Variants in C8orf76 observed in about 807,000 individuals in gnomAD.
C8orf76 encodes chromosome 8 open reading frame 76.
C8orf76 carries 46 observed loss-of-function variants against 38.1 expected under a neutral mutation model. The observed-to-expected ratio is 1.21, with a 90% confidence interval of 0.95 to 1.54. C8orf76 has a LOEUF of 1.54. Among genes scored for constraint, C8orf76 ranks in the 40% most tolerant of loss-of-function variants. C8orf76 has a pLI of 0.00. For synonymous variants in C8orf76, 166 were observed against 167.5 expected (o/e 0.99, Z 0.07); for missense variants, 461 against 441.6 (o/e 1.04, Z -0.39).
intron 3 of C8orf76, among the ~76,000 whole-genome samples, chr8:123,235,870 AG>A (rs1432439010): frequency 6.6e-6 from 1 of 152,212 alleles, no homozygotes; most frequent in African/African-American, 2.4e-5. Context: ...AGAAACGCCG[AG>A]CGAGCAGGAC....
intron 4 of C8orf76, among the ~76,000 whole-genome samples, chr8:123,229,142 T>A (rs1029737065): frequency 6.6e-6 from 1 of 152,250 alleles, no homozygotes; most frequent in Non-Finnish European, 1.5e-5. Context: ...CTAGAACGGA[T>A]CCTCTGCCCC....
Position 123,231,336 on chromosome 8 carries a change from GTCTC to G in C8orf76, c.775_778del (p.Glu259LeufsTer3), listed in dbSNP as rs774169274. ...AAAAGAGGCACATGCTTTCAGCTGA[GTCTC>G]TATCAACACTGTTTCTCTCTTTTCT... On this transcript the variant is annotated frameshift_variant, in exon 4 of 6. Coordinates refer to ENST00000276704, the MANE Select transcript of C8orf76 (RefSeq NM_032847.3). LOFTEE classifies it high-confidence loss of function. 2 of 1,612,942 alleles carry G rather than the reference GTCTC, an allele frequency of 1.2e-6. No individual in the cohort carries two copies. Among genetic ancestry groups the G allele is most frequent in the Middle Eastern group, 1.7e-4 (1 of 6,058 alleles).
At position 123,226,546 on chromosome 8, in the gene C8orf76, A is replaced by AT. The variant is rs769557098; in HGVS notation, c.901dup (p.Met301AsnfsTer16). 1 of 1,613,714 alleles carries AT rather than the reference A, an allele frequency of 6.2e-7. No homozygotes were observed. The highest frequency in any genetic ancestry group is 8.5e-7 in the Non-Finnish European group (1 of 1,179,924). ...GTCTTCTTTGAAGCTGAACCCTTTC[A>AT]TTTTATCTTCAATTTCCTGCTGAGT... On this transcript the variant is annotated frameshift_variant, in exon 5 of 6. Transcript: ENST00000276704. LOFTEE classifies it low-confidence loss of function (END_TRUNC).
intron 1 of C8orf76, 87 bp from the exon 2 acceptor site, chr8:123,239,231 T>G: frequency 7.1e-7 from 1 of 1,416,148 alleles, no homozygotes; most frequent in Non-Finnish European, 9.8e-7. Context: ...TATAATTGAT[T>G]AAACGTCAAA....
intron 5 of C8orf76, among the ~76,000 whole-genome samples, chr8:123,224,742 T>G (rs1824983845): frequency 6.6e-6 from 1 of 152,252 alleles, no homozygotes; most frequent in African/African-American, 2.4e-5. Context: ...AGGAAACTAC[T>G]CTTCCACCCA....
chr8:123,228,493 C>T (rs1825127173), intron 4 of C8orf76, among the ~76,000 whole-genome samples: 1 of 152,130 alleles, frequency 6.6e-6, no homozygotes, highest in Non-Finnish European at 1.5e-5. Flanking sequence ...GTGGTGCATG[C>T]CTGTAATCCC....
At chr8:123,234,757 A>C (rs560574384) in intron 3 of C8orf76, among the ~76,000 whole-genome samples, 164 of 152,006 alleles carry the variant, frequency 1.1e-3, no homozygotes, top group African/African-American at 3.8e-3. Flanking sequence ...CGACAGTGCG[A>C]GACTCCATCT....
chr8:123,233,229 G>T (rs1179705452), intron 3 of C8orf76, among the ~76,000 whole-genome samples: 1 of 152,070 alleles, frequency 6.6e-6, no homozygotes, highest in Non-Finnish European at 1.5e-5. Flanking sequence ...ATGTTGGCCA[G>T]GCTGGTCTCG....
At chr8:123,222,485 G>A (rs1824917486) in intron 5 of C8orf76, among the ~76,000 whole-genome samples, 1 of 152,056 alleles carries the variant, frequency 6.6e-6, no homozygotes, top group South Asian at 2.1e-4. Context: ...ATATTTACAG[G>A]TGTCAAAAAT....
intron 5 of C8orf76, chr8:123,226,216 A>G: frequency 1.6e-6 from 2 of 1,260,686 alleles, no homozygotes; most frequent in South Asian, 4.3e-5. Flanking sequence ...TCATTTATTC[A>G]GCACTGAAAC....
intron 4 of C8orf76, among the ~76,000 whole-genome samples, chr8:123,229,650 C>T (rs1168238507): frequency 6.6e-6 from 1 of 152,162 alleles, no homozygotes; most frequent in Non-Finnish European, 1.5e-5. Flanking sequence ...GTCTGGCACA[C>T]GGTTGTCATT....
At chr8:123,227,662 A>G (rs773060225) in intron 4 of C8orf76, among the ~76,000 whole-genome samples, 6 of 152,062 alleles carry the variant, frequency 3.9e-5, no homozygotes, top group Non-Finnish European at 5.9e-5. Context: ...AACAAATTTG[A>G]TATGCTTGAA....
At chr8:123,238,921 A>G in intron 2 of C8orf76, 128 bp downstream of exon 2, 1 of 930,942 alleles carries the variant, frequency 1.1e-6, no homozygotes, top group East Asian at 2.6e-5. Context: ...GCCTCAGATT[A>G]TAAACACACA....
At position 123,227,453 on chromosome 8, in the gene C8orf76, A is replaced by C. The variant is rs533420182; in HGVS notation, c.816-821T>G. Reference sequence around the variant, plus strand: ...ATGAATGGAAGGAGGGAGATAGCACATAAGTATTTCAGGTAGTGACAAGTG... The same window carrying C: ...ATGAATGGAAGGAGGGAGATAGCACCTAAGTATTTCAGGTAGTGACAAGTG... On this transcript the variant is annotated intron_variant, in intron 4 of 5. Coordinates refer to ENST00000276704, the MANE Select transcript of C8orf76 (RefSeq NM_032847.3). Among the ~76,000 whole-genome samples the C allele has an allele frequency of 2.1e-4, 32 of 152,264 alleles. No individual in the cohort carries two copies. In the South Asian group the frequency reaches 6.4e-3, roughly 31 times the overall value.
chr8:123,231,881 A>G, intron 3 of C8orf76, 124 bp from the exon 4 acceptor site: 1 of 1,012,040 alleles, frequency 9.9e-7, no homozygotes, highest in Non-Finnish European at 1.4e-6. Flanking sequence ...TAGCTATACG[A>G]GTGACCTAAA....
chr8:123,228,123 G>A (rs143909882), intron 4 of C8orf76, among the ~76,000 whole-genome samples: 1 of 151,992 alleles, frequency 6.6e-6, no homozygotes, highest in African/African-American at 2.4e-5. Flanking sequence ...AGACTCTTCC[G>A]GTCTCCTCAC....
chr8:123,231,646 T>C lies in C8orf76; in HGVS notation c.469A>G (p.Ile157Val), dbSNP rs754793441. 1.9e-6 allele frequency: 3 copies of C among 1,614,136 alleles called. No individual in the cohort carries two copies. The South Asian group carries it at 3.3e-5, about 18-fold the overall frequency. Residue 157 changes from isoleucine (I) to valine (V), a missense_variant, in exon 4 of 6, where the codon ATT (isoleucine) becomes GTT (valine). By Grantham distance (29) the Ile-to-Val change is conservative (BLOSUM62 3). Coordinates refer to ENST00000276704, the MANE Select transcript of C8orf76 (RefSeq NM_032847.3). ...EKTIFCLQKL[I>V]SLHPFNPWNW... ...CAAGGATTAAAAGGATGCAAAGAAA[T>C]CAGTTTCTGCAGGCAGAAAATTGTT...
intron 3 of C8orf76, among the ~76,000 whole-genome samples, chr8:123,237,335 A>G (rs963757383): frequency 7.2e-5 from 11 of 152,210 alleles, no homozygotes; most frequent in African/African-American, 2.7e-4. Flanking sequence ...AGAAAAAAAA[A>G]TTCTGCAAAT....
chr8:123,238,001 T>G (rs1317704585), intron 2 of C8orf76, 60 bp from the exon 3 acceptor site: 8 of 1,565,894 alleles, frequency 5.1e-6, no homozygotes, highest in Non-Finnish European at 6.9e-6. Context: ...AAAAAAGGAT[T>G]CAGAATAGGG....
Sources: gnomAD v4.1 joint callset for allele counts (sites outside exome capture counted in the v4.1 genomes callset) on GRCh38, gnomAD v4.1.1 for gene constraint, MANE v1.5 for transcripts, NCBI Gene and HGNC (gene_info 2026-07-23, HGNC 2026-07-21) for gene names.